The following SLCO4C1 variants were observed in gnomAD, a reference collection of about 807,000 sequenced individuals.
The protein encoded by SLCO4C1 is organic anion transporter M1.
In SLCO4C1, 58 loss-of-function variants were observed where a neutral mutation model predicts 72.1. The ratio of observed to expected loss-of-function variants is 0.80; its 90% confidence interval spans 0.65 to 1.00. The LOEUF is 1.00. Among genes scored for constraint, SLCO4C1 ranks in the 50% least tolerant of loss-of-function variants. The probability of loss-of-function intolerance (pLI) is 0.00; values close to 1 mark genes in which losing one functional copy is unlikely to be tolerated. For missense variants in SLCO4C1, 898 were observed against 857.9 expected (o/e 1.05, Z -0.58); for synonymous variants, 297 against 312.5 (o/e 0.95, Z 0.52).
In SLCO4C1 at chr5:102,291,556, G is replaced by A. The variant is rs1427382152; in HGVS notation, c.406C>T (p.Arg136Cys). 6.8e-6 allele frequency: 11 copies of A among 1,613,782 alleles called. No homozygotes were observed. Among genetic ancestry groups the A allele is most frequent in the South Asian group, 2.2e-5 (2 of 91,028 alleles). ...VNISISTVEK[R>C]YEMKSSLTGL... ...GTCAGGGAACTCTTCATTTCATAACGCTTCTCAACAGTGGAAATGCTAATA... is the reference window on the plus strand; with the variant it reads ...GTCAGGGAACTCTTCATTTCATAACACTTCTCAACAGTGGAAATGCTAATA... The change falls in exon 2 of 13, where the codon CGT (arginine) becomes TGT (cysteine). Residue 136 changes from arginine (R) to cysteine (C), a missense_variant. Physicochemically the swap from Arg to Cys is radical, Grantham distance 180. Coordinates refer to ENST00000310954, the MANE Select transcript of SLCO4C1 (RefSeq NM_180991.5).
In SLCO4C1 at chr5:102,291,770, T is replaced by G. The variant is rs1749557340; in HGVS notation, c.356-164A>C. On this transcript the variant is annotated intron_variant, in intron 1 of 12. Coordinates refer to ENST00000310954, the MANE Select transcript of SLCO4C1 (RefSeq NM_180991.5). ...AGTTAGGCAACCTAAACATATTTCC[T>G]TGAAAATCAGTTTGCTTTTTATTTT... is the stretch of plus-strand genomic sequence containing the variant. 4.6e-5 allele frequency among the ~76,000 whole-genome samples: 7 copies of G among 151,832 alleles called. No individual in the cohort carries two copies. In the South Asian group the frequency reaches 1.4e-3, roughly 31 times the overall value.
At chr5:102,253,599 G>T (rs1748780714) in intron 8 of SLCO4C1, among the ~76,000 whole-genome samples, 1 of 152,030 alleles carries the variant, frequency 6.6e-6, no homozygotes, top group South Asian at 2.1e-4. Context: ...CTGAGGTCAG[G>T]AGTTCAAGAT....
chr5:102,249,527 A>T, intron 9 of SLCO4C1, 111 bp downstream of exon 9: 1 of 1,062,802 alleles, frequency 9.4e-7, no homozygotes, highest in Non-Finnish European at 1.4e-6. Flanking sequence ...TGCTTAACGG[A>T]GGCAATGGAG....
chr5:102,238,095 T>C (rs1293338986), intron 12 of SLCO4C1, among the ~76,000 whole-genome samples: 2 of 152,202 alleles, frequency 1.3e-5, no homozygotes, highest in African/African-American at 4.8e-5. Flanking sequence ...CATCTAGGCA[T>C]TACTAGACTA....
chr5:102,261,878 T>C lies in SLCO4C1; in HGVS notation c.1021+34A>G, dbSNP rs112173911. 1.4e-3 allele frequency: 2,255 copies of C among 1,580,286 alleles called. 29 individuals carry two copies. In the African/African-American group the frequency reaches 0.025, roughly 17 times the overall value. On this transcript the variant is annotated intron_variant, in intron 5 of 12. Coordinates refer to ENST00000310954, the MANE Select transcript of SLCO4C1 (RefSeq NM_180991.5). ...AATAGCAACTGGCCTACAATTAAAA[T>C]AAACCTCTCTGGTTTTAAAGAAAGC... is the stretch of plus-strand genomic sequence containing the variant.
chr5:102,236,867 T>G lies in SLCO4C1; in HGVS notation c.2166A>C (p.Lys722Asn). 3.1e-6 allele frequency: 5 copies of G among 1,611,436 alleles called. No individual in the cohort carries two copies. Among genetic ancestry groups the G allele is most frequent in the Non-Finnish European group, 4.2e-6 (5 of 1,179,366 alleles). The change falls in exon 13 of 13, where the codon AAA becomes AAC. Residue 722 changes from lysine (K) to asparagine (N), a missense_variant. Lys to Asn is a moderately conservative substitution (Grantham distance 94, BLOSUM62 0). Coordinates refer to ENST00000310954, the MANE Select transcript of SLCO4C1 (RefSeq NM_180991.5). ...CTTCTCTTTTCCCATTTCACCCTTCTTTTACTATTTTGTTGAGATCCTGTT... is the reference window on the plus strand; with the variant it reads ...CTTCTCTTTTCCCATTTCACCCTTCGTTTACTATTTTGTTGAGATCCTGTT... ...LAEQDLNKIV[K>N]EG
At chr5:102,294,618 T>G (rs1749614715) in intron 1 of SLCO4C1, among the ~76,000 whole-genome samples, 1 of 152,204 alleles carries the variant, frequency 6.6e-6, no homozygotes, top group African/African-American at 2.4e-5. Context: ...GCTTCACAAT[T>G]ACCAATTTTG....
Position 102,249,693 on chromosome 5 carries a change from T to C in SLCO4C1, c.1565A>G (p.Tyr522Cys), listed in dbSNP as rs769156621. The change falls in exon 9 of 13, where the codon TAT becomes TGT. Residue 522 changes from tyrosine to cysteine, a missense_variant. Transcript: ENST00000310954. Reference sequence around the variant, plus strand: ...ACAGCCTGCAAAGCAGGGAGAAAAATATTGGACTCCATCTCCACAGACAGG... The same window carrying C: ...ACAGCCTGCAAAGCAGGGAGAAAAACATTGGACTCCATCTCCACAGACAGG... The part of the protein sequence containing the change: ...YYPVCGDGVQ[Y>C]FSPCFAGCSN... 21 of 1,613,732 alleles carry C rather than the reference T, an allele frequency of 1.3e-5. No homozygotes were observed. Among genetic ancestry groups the C allele is most frequent in the Non-Finnish European group, 1.5e-5 (18 of 1,179,916 alleles).
intron 3 of SLCO4C1, among the ~76,000 whole-genome samples, chr5:102,266,835 G>A (rs1254242125): frequency 6.6e-6 from 1 of 152,076 alleles, no homozygotes; most frequent in African/African-American, 2.4e-5. Context: ...TTTTTATCAT[G>A]AAGGGATATT....
At position 102,236,792 on chromosome 5, in the gene SLCO4C1, G is replaced by T; in HGVS notation, c.*66C>A. On this transcript the variant is annotated 3_prime_UTR_variant, in exon 13 of 13. Coordinates refer to ENST00000310954, the MANE Select transcript of SLCO4C1 (RefSeq NM_180991.5). ...ATATTGGATAGATAATCCTGCCATG[G>T]CAATGTGTGTTCTTAAAAATCGAGG... is the stretch of plus-strand genomic sequence containing the variant. 3 of 1,455,166 alleles carry T rather than the reference G, an allele frequency of 2.1e-6. No individual in the cohort carries two copies. The highest frequency in any genetic ancestry group is 2.8e-6 in the Non-Finnish European group (3 of 1,054,248). 90.1% of individuals were successfully genotyped at this position (1,455,166 alleles called of 1,614,324 possible). A position where few individuals can be genotyped will look rare whatever the true frequency, so the allele number is the denominator to read the frequency against.
chr5:102,282,134 T>TA (rs1371531464), intron 2 of SLCO4C1, among the ~76,000 whole-genome samples: 2 of 152,034 alleles, frequency 1.3e-5, no homozygotes, highest in Non-Finnish European at 1.5e-5. Flanking sequence ...TTACTCAGAC[T>TA]AAAAAAAGTC....
intron 2 of SLCO4C1, among the ~76,000 whole-genome samples, chr5:102,272,885 G>A (rs1197973294): frequency 6.6e-6 from 1 of 152,024 alleles, no homozygotes; most frequent in East Asian, 1.9e-4. Context: ...GAACCCGGGA[G>A]GAGGAGGTTG....
intron 2 of SLCO4C1, among the ~76,000 whole-genome samples, chr5:102,281,997 A>G (rs1312794374): frequency 6.6e-6 from 1 of 152,128 alleles, no homozygotes; most frequent in Non-Finnish European, 1.5e-5. Flanking sequence ...TCTGGGAACA[A>G]ACCAGATGTT....
chr5:102,262,297 T>C (rs1417426087), intron 4 of SLCO4C1, among the ~76,000 whole-genome samples: 1 of 152,164 alleles, frequency 6.6e-6, no homozygotes, highest in East Asian at 1.9e-4. Flanking sequence ...ATGACAAATA[T>C]TTGAAAAGAT....
At chr5:102,238,092 G>C (rs973981398) in intron 12 of SLCO4C1, among the ~76,000 whole-genome samples, 1 of 151,978 alleles carries the variant, frequency 6.6e-6, no homozygotes, top group African/African-American at 2.4e-5. Context: ...ATTCATCTAG[G>C]CATTACTAGA....
chr5:102,265,076 C>T (rs1204954731), intron 3 of SLCO4C1, among the ~76,000 whole-genome samples: 3 of 151,948 alleles, frequency 2.0e-5, no homozygotes, highest in African/African-American at 7.2e-5. Flanking sequence ...GGAAGCGCTA[C>T]AATAACATGG....
intron 3 of SLCO4C1, among the ~76,000 whole-genome samples, chr5:102,268,618 T>C (rs1050273754): frequency 6.6e-6 from 1 of 152,154 alleles, no homozygotes; most frequent in Admixed American, 6.6e-5. Flanking sequence ...TCATTGATAA[T>C]TGTTTTCTGA....
Position 102,296,063 on chromosome 5 carries a change from G to T in SLCO4C1, c.200C>A (p.Pro67His). 2 of 1,614,240 alleles carry T rather than the reference G, an allele frequency of 1.2e-6. No individual in the cohort carries two copies. Among genetic ancestry groups the T allele is most frequent in the Non-Finnish European group, 1.7e-6 (2 of 1,180,040 alleles). ...KSPEPSLPSA[P>H]PNVSEEKLRS... ...GAGCTTCTCTTCGGAGACATTGGGA[G>T]GGGCTGAAGGCAGAGATGGCTCTGG... Residue 67 changes from proline to histidine, a missense_variant, in exon 1 of 13, where the codon CCT (proline) becomes CAT (histidine). Pro to His is a moderately conservative substitution (Grantham distance 77, BLOSUM62 -2). Coordinates refer to ENST00000310954, the MANE Select transcript of SLCO4C1 (RefSeq NM_180991.5).
At chr5:102,260,347 A>T (rs1310965962) in intron 5 of SLCO4C1, 28 bp from the exon 6 acceptor site, 5 of 315,486 alleles carry the variant, frequency 1.6e-5, no homozygotes, top group Non-Finnish European at 2.5e-5. Context: ...ATATATATAT[A>T]ATATATATAT....
Sources: allele counts gnomAD v4.1 joint callset (sites outside exome capture counted in the v4.1 genomes callset), GRCh38; gene constraint gnomAD v4.1.1; transcripts MANE v1.5; gene names NCBI Gene and HGNC (gene_info 2026-07-23, HGNC 2026-07-21).